The following DLGAP3 variants were observed in gnomAD, a reference collection of about 807,000 sequenced individuals.
DLGAP3 encodes the protein DLG associated protein 3, also known as disks large-associated protein 3.
In DLGAP3, 17 loss-of-function variants were observed where a neutral mutation model predicts 81.2. That is an observed-to-expected ratio of 0.21 (90% CI 0.14 to 0.31). The LOEUF (loss-of-function observed/expected upper bound fraction) is 0.31. Ranked by LOEUF, DLGAP3 falls within the 10% of genes least tolerant of loss-of-function variation. The pLI is 1.00. For missense variants in DLGAP3, 1,124 were observed against 1,388.0 expected, an observed-to-expected ratio of 0.81 and a Z score of 3.02; for synonymous variants, 577 against 587.4, an observed-to-expected ratio of 0.98 and a Z score of 0.26.
chr1:34,898,295 G>A (rs1216072595), intron 5 of DLGAP3, among the ~76,000 whole-genome samples: 1 of 152,162 alleles, frequency 6.6e-6, no homozygotes, highest in Non-Finnish European at 1.5e-5. Flanking sequence ...ACAGACTGAG[G>A]ATAAGCAGCC....
chr1:34,886,994 G>A (rs1164088724), intron 5 of DLGAP3, among the ~76,000 whole-genome samples: 1 of 109,528 alleles, frequency 9.1e-6, no homozygotes, highest in African/African-American at 3.6e-5. Flanking sequence ...TCGCTCAGTT[G>A]CCCAGGCTGG....
At position 34,900,286 on chromosome 1, in the gene DLGAP3, G is replaced by C. The variant is rs371016624; in HGVS notation, c.1108-13C>G. 6.2e-6 allele frequency: 10 copies of C among 1,612,604 alleles called. No individual in the cohort carries two copies. The highest frequency in any genetic ancestry group is 8.5e-6 in the Non-Finnish European group (10 of 1,179,310). The stretch of plus-strand genomic sequence containing the variant: ...CATCTTGCGGCACCTGCAGGAACAG[G>C]GGTCTCTGTCTCTCAGACATGACCC... On this transcript the variant is annotated splice_polypyrimidine_tract_variant and intron_variant, in intron 3 of 11. Transcript: ENST00000373347. This position sits in a 1 kb window ranked among gnomAD's most constrained non-coding sequence, Gnocchi z 5.6.
rs141540099 is a variant in DLGAP3, at chr1:34,904,466, G to T, written c.918C>A (p.Gly306=). ...AGGCAAGGCAGCGGCCTTCCGACCCGCCCGAGCGCCCCTTGAAGCTCAAGT... is the reference window on the plus strand; with the variant it reads ...AGGCAAGGCAGCGGCCTTCCGACCCTCCCGAGCGCCCCTTGAAGCTCAAGT... The part of the protein sequence containing the change: ...YRDLSFKGRS[G]GSEGRCLACT... Residue 306 remains glycine, a synonymous_variant, in exon 3 of 12, where the codon GGC becomes GGA. Coordinates refer to ENST00000373347, the MANE Select transcript of DLGAP3 (RefSeq NM_001080418.3). The surrounding 1 kb of genome is among the most constrained non-coding windows in gnomAD (Gnocchi z 8.1). The T allele has an allele frequency of 1.5e-5, 25 of 1,613,998 alleles. No homozygotes were observed. Among genetic ancestry groups the T allele is most frequent in the East Asian group, 2.2e-5 (1 of 44,882 alleles).
chr1:34,865,963 G>A lies in DLGAP3; in HGVS notation c.*120C>T. The A allele has an allele frequency of 1.2e-6, 1 of 869,000 alleles. No homozygotes were observed. Among genetic ancestry groups the A allele is most frequent in the Non-Finnish European group, 1.8e-6 (1 of 562,846 alleles). The allele number at this position is 869,000 out of a possible 1,614,324, so 53.8% of individuals were successfully genotyped here. A position where few individuals can be genotyped will look rare whatever the true frequency, so the allele number is the denominator to read the frequency against. On this transcript the variant is annotated 3_prime_UTR_variant, in exon 12 of 12. Transcript: ENST00000373347. ...GAGTGTGACGGGCCCGGGGGCCGGG[G>A]CGTCCGGTGCCGGTGGGGCGGGCGC... is the stretch of plus-strand genomic sequence containing the variant.
intron 8 of DLGAP3, among the ~76,000 whole-genome samples, chr1:34,869,548 G>T (rs1254040235): frequency 6.7e-6 from 1 of 148,526 alleles, no homozygotes; most frequent in Non-Finnish European, 1.5e-5. Context: ...GGAGTGCAAT[G>T]GCGCGATCTC....
chr1:34,899,675 A>G lies in DLGAP3; in HGVS notation c.1380T>C (p.Thr460=), dbSNP rs779306075. ...ATACTGGGCCTCTCCCTACCTGTCC[A>G]GTGGTGAGGGAACGGCTGTAGCCAG... ...SIPGYSRSLT[T]GQLSDELNQQ... Residue 460 remains threonine, a synonymous_variant, in exon 5 of 12, where the codon ACT becomes ACC. Coordinates refer to ENST00000373347, the MANE Select transcript of DLGAP3 (RefSeq NM_001080418.3). The G allele has an allele frequency of 6.2e-7, 1 of 1,612,734 alleles. No homozygotes were observed. The highest frequency in any genetic ancestry group is 1.7e-5 in the Admixed American group (1 of 60,002).
chr1:34,916,253 G>A (rs187768959), intron 1 of DLGAP3, among the ~76,000 whole-genome samples: 21 of 152,320 alleles, frequency 1.4e-4, no homozygotes, highest in African/African-American at 4.8e-4. Flanking sequence ...TTCCTAAAGA[G>A]GTGGGAGTGT....
chr1:34,868,801 G>T lies in DLGAP3; in HGVS notation c.2289C>A (p.Thr763=). The T allele has an allele frequency of 6.3e-7, 1 of 1,583,460 alleles. No homozygotes were observed. Among genetic ancestry groups the T allele is most frequent in the South Asian group, 1.1e-5 (1 of 89,328 alleles). Residue 763 remains threonine, a synonymous_variant, in exon 9 of 12, where the codon ACC becomes ACA. Coordinates refer to ENST00000373347, the MANE Select transcript of DLGAP3 (RefSeq NM_001080418.3). The surrounding 1 kb of genome is among the most constrained non-coding windows in gnomAD (Gnocchi z 7.5). ...DGSPGPAPAP[T]PGPGAGRRDS... ...CACGGCGGCCGGCCCCAGGGCCGGG[G>T]GTGGGGGCGGGGGCAGGGCCGGGCG...
chr1:34,891,161 T>C (rs1157500429), intron 5 of DLGAP3, among the ~76,000 whole-genome samples: 1 of 152,210 alleles, frequency 6.6e-6, no homozygotes, highest in Admixed American at 6.5e-5. Context: ...CATGTATTCA[T>C]AAAAATTACT....
chr1:34,895,874 G>A lies in DLGAP3; in HGVS notation c.1386+3795C>T, dbSNP rs528485334. ...ATGATGCTGGGAAAATTGGATATCC[G>A]CATTCAAAAACATAAAGCTGGACCC... is the stretch of plus-strand genomic sequence containing the variant. On this transcript the variant is annotated intron_variant, in intron 5 of 11. Coordinates refer to ENST00000373347, the MANE Select transcript of DLGAP3 (RefSeq NM_001080418.3). This position sits in a 1 kb window ranked among gnomAD's most constrained non-coding sequence, Gnocchi z 4.5. Among the ~76,000 whole-genome samples, 14 of 151,024 alleles carry A rather than the reference G, an allele frequency of 9.3e-5. No individual in the cohort carries two copies. The highest frequency in any genetic ancestry group is 7.3e-4 in the Admixed American group (11 of 15,164).
chr1:34,904,545 G>A lies in DLGAP3; in HGVS notation c.839C>T (p.Pro280Leu). 2 of 1,614,108 alleles carry A rather than the reference G, an allele frequency of 1.2e-6. No homozygotes were observed. Among genetic ancestry groups the A allele is most frequent in the South Asian group, 1.1e-5 (1 of 91,084 alleles). Residue 280 changes from proline to leucine, a missense_variant, in exon 3 of 12, where the codon CCT (proline) becomes CTT (leucine). Physicochemically the swap from Pro to Leu is moderately conservative, Grantham distance 98 (BLOSUM62 -3). Around this residue, in one of 9 missense-constraint regions of DLGAP3, gnomAD observed 357 missense variants for 408.8 expected, o/e 0.87. Transcript: ENST00000373347. The surrounding 1 kb of genome is among the most constrained non-coding windows in gnomAD (Gnocchi z 8.1). ...DSGFLAGGRP[P>L]GEPGGPFCLE... is the part of the protein sequence containing the mutation. ...GCAGAAGGGACCACCAGGCTCCCCA[G>A]GGGGCCTCCCACCCGCCAGGAAGCC...
At chr1:34,885,985 C>T (rs1329878282) in intron 6 of DLGAP3, 87 bp downstream of exon 6, 10 of 1,369,664 alleles carry the variant, frequency 7.3e-6, no homozygotes, top group Non-Finnish European at 6.0e-6. Context: ...CTGCGCGGGT[C>T]ACAGCACAGT....
At chr1:34,877,029 G>T (rs1398388694) in intron 8 of DLGAP3, among the ~76,000 whole-genome samples, 1 of 152,172 alleles carries the variant, frequency 6.6e-6, no homozygotes, top group South Asian at 2.1e-4. Flanking sequence ...TTGCTACAAT[G>T]CTGGGTTTGA....
Position 34,900,352 on chromosome 1 carries a change from G to A in DLGAP3, c.1108-79C>T, listed in dbSNP as rs1639437555. 6.8e-7 allele frequency: 1 copy of A among 1,465,102 alleles called. No individual in the cohort carries two copies. Among genetic ancestry groups the A allele is most frequent in the Non-Finnish European group, 9.5e-7 (1 of 1,052,928 alleles). The allele number at this position is 1,465,102 out of a possible 1,614,324, so 90.8% of individuals were successfully genotyped here. On this transcript the variant is annotated intron_variant, in intron 3 of 11. Transcript: ENST00000373347. The surrounding 1 kb of genome is among the most constrained non-coding windows in gnomAD (Gnocchi z 5.6). ...CCAGGACTCTTTCCCCACTGCCAGT[G>A]GGAGATGCCCTGCCCTGGCTTGAAC...
At chr1:34,901,466 G>A (rs1639459376) in intron 3 of DLGAP3, among the ~76,000 whole-genome samples, 1 of 152,210 alleles carries the variant, frequency 6.6e-6, no homozygotes, top group South Asian at 2.1e-4. Flanking sequence ...AGATCCATGT[G>A]CAATTCTGGC....
chr1:34,866,248 G>T lies in DLGAP3; in HGVS notation c.2775C>A (p.Gly925=). The T allele has an allele frequency of 6.4e-7, 1 of 1,564,952 alleles. No individual in the cohort carries two copies. The change falls in exon 12 of 12, where the codon GGC becomes GGA. Residue 925 remains glycine, a synonymous_variant. Transcript: ENST00000373347. ...CCAGGGAGCGCTCCTTCACCGGCAC[G>T]CCCCGGCCCCGCAGGGGCTTCTTTG... The part of the protein sequence containing the change: ...PIPKKPLRGR[G]VPVKERSLDS...
chr1:34,917,344 TC>T (rs1379777842), intron 1 of DLGAP3, among the ~76,000 whole-genome samples: 2 of 149,328 alleles, frequency 1.3e-5, no homozygotes, highest in East Asian at 3.9e-4. Flanking sequence ...AGATCCTTTT[TC>T]CTTTTTTTTT....
chr1:34,905,134 C>T lies in DLGAP3; in HGVS notation c.250G>A (p.Gly84Arg), dbSNP rs759748096. 7.6e-6 allele frequency: 12 copies of T among 1,571,942 alleles called. No individual in the cohort carries two copies. In the East Asian group the frequency reaches 2.8e-4, roughly 37 times the overall value. Reference sequence around the variant, plus strand: ...ATCCTGGGGAAGGTGCTGCTACCCCCCCCAACCCCGGCCCCCGCTGGCCCT... The same window carrying T: ...ATCCTGGGGAAGGTGCTGCTACCCCTCCCAACCCCGGCCCCCGCTGGCCCT... Reference protein sequence around the residue: ...EGGPAGAGVGGGSSTFPRMYP... With the variant: ...EGGPAGAGVGRGSSTFPRMYP... Residue 84 changes from glycine to arginine, a missense_variant, in exon 3 of 12, where the codon GGG (glycine) becomes AGG (arginine). Around this residue, in one of 9 missense-constraint regions of DLGAP3, gnomAD observed 167 missense variants for 172.1 expected, o/e 0.97. Transcript: ENST00000373347.
At chr1:34,914,075 G>T (rs1276730441) in intron 1 of DLGAP3, among the ~76,000 whole-genome samples, 2 of 152,170 alleles carry the variant, frequency 1.3e-5, no homozygotes, top group Non-Finnish European at 2.9e-5. Context: ...GGCTGCAGGA[G>T]CAGGGTTCGG....
Sources: gnomAD v4.1 joint callset for allele counts (sites outside exome capture counted in the v4.1 genomes callset) on GRCh38, gnomAD v4.1.1 for gene constraint, gnomAD v4.1.1 regional missense constraint, Gnocchi (gnomAD v3.1) non-coding constraint, MANE v1.5 for transcripts, NCBI Gene and HGNC (gene_info 2026-07-23, HGNC 2026-07-21) for gene names.